Variants in MTUS2 observed in about 807,000 individuals in gnomAD.
The protein encoded by MTUS2 is microtubule associated scaffold protein 2, also known as microtubule-associated tumor suppressor candidate 2.
MTUS2 carries 40 observed loss-of-function variants against 114.1 expected under a neutral mutation model. The observed-to-expected ratio is 0.35, with a 90% CI of 0.27 to 0.46. The LOEUF (loss-of-function observed/expected upper bound fraction) is 0.46, where lower values mean the gene tolerates loss of function less well. Among genes scored for constraint, MTUS2 ranks in the 20% least tolerant of loss-of-function variants. The pLI is 1.00. For synonymous variants in MTUS2, 688 were observed against 672.0 expected (o/e 1.02, Z -0.37); for missense variants, 1,679 against 1,705.4 (o/e 0.98, Z 0.27).
intron 6 of MTUS2, among the ~76,000 whole-genome samples, chr13:29,293,116 A>G (rs984118703): frequency 6.6e-6 from 1 of 152,166 alleles, no homozygotes; most frequent in African/African-American, 2.4e-5. Context: ...ACAAAATTAC[A>G]TAAAATCACA....
In MTUS2 at chr13:29,264,126, G is replaced by A. The variant is rs576591826; in HGVS notation, c.2645-17578G>A. Among the ~76,000 whole-genome samples, 12 of 152,344 alleles carry A rather than the reference G, an allele frequency of 7.9e-5. No individual in the cohort carries two copies. In the South Asian group the frequency reaches 1.0e-3, roughly 13 times the overall value. On this transcript the variant is annotated intron_variant, in intron 5 of 15. Coordinates refer to ENST00000612955, the MANE Select transcript of MTUS2 (RefSeq NM_001033602.4). Reference sequence around the variant, plus strand: ...GTAAGCATTCCCATTCCAAAAGGGAGAAATTGGCCTAAAGAAAGGGGCAAT... The same window carrying A: ...GTAAGCATTCCCATTCCAAAAGGGAAAAATTGGCCTAAAGAAAGGGGCAAT...
At chr13:29,213,394 C>T (rs1171981393) in intron 5 of MTUS2, among the ~76,000 whole-genome samples, 1 of 152,180 alleles carries the variant, frequency 6.6e-6, no homozygotes, top group Non-Finnish European at 1.5e-5. Context: ...TATACCCTTA[C>T]TGATTTTCTC....
At chr13:29,167,263 T>A (rs1893355720) in intron 5 of MTUS2, among the ~76,000 whole-genome samples, 1 of 151,930 alleles carries the variant, frequency 6.6e-6, no homozygotes, top group Non-Finnish European at 1.5e-5. Flanking sequence ...TAGTCCCAGC[T>A]ACTTGGGAGG....
chr13:28,967,353 G>A (rs1436649914), intron 2 of MTUS2, among the ~76,000 whole-genome samples: 1 of 152,062 alleles, frequency 6.6e-6, no homozygotes, highest in East Asian at 1.9e-4. Context: ...TTTCCAGGAA[G>A]GTTAAAATTA....
At chr13:28,833,170 A>C (rs2137958047) in intron 1 of MTUS2, among the ~76,000 whole-genome samples, 1 of 152,274 alleles carries the variant, frequency 6.6e-6, no homozygotes. Flanking sequence ...AGTTTTGCAT[A>C]ATGTTTTTCA....
chr13:29,498,797 G>C (rs1882713027), intron 14 of MTUS2, among the ~76,000 whole-genome samples: 1 of 152,172 alleles, frequency 6.6e-6, no homozygotes, highest in South Asian at 2.1e-4. Flanking sequence ...TCCCACAGTT[G>C]TGCTGTCTTC....
At chr13:29,209,347 A>T (rs897220966) in intron 5 of MTUS2, among the ~76,000 whole-genome samples, 1 of 152,184 alleles carries the variant, frequency 6.6e-6, no homozygotes, top group Admixed American at 6.5e-5. Context: ...TGAAGAGAGC[A>T]GATACTCGGT....
At chr13:29,320,963 T>C (rs1392757624) in intron 6 of MTUS2, among the ~76,000 whole-genome samples, 1 of 152,096 alleles carries the variant, frequency 6.6e-6, no homozygotes, top group East Asian at 1.9e-4. Context: ...GGAGGACAAT[T>C]GACTAGGAGA....
chr13:28,947,474 G>A (rs1336498677), intron 2 of MTUS2, among the ~76,000 whole-genome samples: 1 of 152,110 alleles, frequency 6.6e-6, no homozygotes, highest in Non-Finnish European at 1.5e-5. Flanking sequence ...CAATATGTTT[G>A]CGAATGACAT....
At chr13:28,843,297 T>C (rs1875635347) in intron 2 of MTUS2, among the ~76,000 whole-genome samples, 1 of 152,132 alleles carries the variant, frequency 6.6e-6, no homozygotes, top group Non-Finnish European at 1.5e-5. Flanking sequence ...TTCAGAAGTA[T>C]CTATATCATT....
rs11274039 is a variant in MTUS2, at chr13:28,852,900, A to AATAC, written c.-243+13078_-243+13081dup. On this transcript the variant is annotated intron_variant, in intron 2 of 15. Transcript: ENST00000612955. Reference sequence around the variant, plus strand: ...GGTGACAGAGCGAGCCTCTGTCTTAAATACATACATACATACATACATACA... The same window carrying AATAC: ...GGTGACAGAGCGAGCCTCTGTCTTAAATACATACATACATACATACATACATACA... Among the ~76,000 whole-genome samples, 372 of 148,602 alleles carry AATAC rather than the reference A, an allele frequency of 2.5e-3. 3 individuals are homozygous for AATAC. Among genetic ancestry groups the AATAC allele is most frequent in the Middle Eastern group, 0.01 (3 of 292 alleles).
intron 14 of MTUS2, among the ~76,000 whole-genome samples, chr13:29,499,506 A>G (rs1882754664): frequency 6.6e-6 from 1 of 152,268 alleles, no homozygotes; most frequent in African/African-American, 2.4e-5. Flanking sequence ...TTATGAAATA[A>G]GATAAACAAA....
chr13:29,409,156 C>T (rs1414182774), intron 8 of MTUS2, among the ~76,000 whole-genome samples: 1 of 152,062 alleles, frequency 6.6e-6, no homozygotes, highest in Non-Finnish European at 1.5e-5. Flanking sequence ...CCTGTCTCTA[C>T]TAAAAATACA....
intron 2 of MTUS2, among the ~76,000 whole-genome samples, chr13:29,006,139 G>A (rs1429360361): frequency 6.6e-6 from 1 of 152,170 alleles, no homozygotes; most frequent in African/African-American, 2.4e-5. Flanking sequence ...GTAGGTGGAC[G>A]TGGAGCAGCT....
intron 4 of MTUS2, among the ~76,000 whole-genome samples, chr13:29,082,836 G>C (rs567221775): frequency 1.3e-5 from 2 of 152,216 alleles, no homozygotes; most frequent in African/African-American, 4.8e-5. Context: ...CAGAAGTCCA[G>C]GGGTAACTTA....
chr13:29,132,464 C>T (rs1891806600), intron 5 of MTUS2, among the ~76,000 whole-genome samples: 2 of 152,184 alleles, frequency 1.3e-5, no homozygotes, highest in Admixed American at 1.3e-4. Flanking sequence ...CACCACCACC[C>T]ATCCACAGAA....
intron 8 of MTUS2, among the ~76,000 whole-genome samples, chr13:29,426,906 GTA>G (rs1030717049): frequency 6.6e-6 from 1 of 152,158 alleles, no homozygotes; most frequent in African/African-American, 2.4e-5. Flanking sequence ...GAGCGTGGGG[GTA>G]TACTAAGCCA....
intron 8 of MTUS2, among the ~76,000 whole-genome samples, chr13:29,394,863 C>G (rs1280914027): frequency 6.6e-6 from 1 of 152,120 alleles, no homozygotes; most frequent in African/African-American, 2.4e-5. Context: ...TTGCGCCCTC[C>G]TTTATGGGAA....
chr13:29,324,533 A>G, intron 6 of MTUS2, 80 bp from the exon 7 acceptor site: 1 of 1,064,336 alleles, frequency 9.4e-7, no homozygotes, highest in South Asian at 1.4e-5. Context: ...TCTTGAAGCC[A>G]CCCTTTCCAC....
Sources: allele counts gnomAD v4.1 joint callset (sites outside exome capture counted in the v4.1 genomes callset), GRCh38; gene constraint gnomAD v4.1.1; transcripts MANE v1.5; gene names NCBI Gene and HGNC (gene_info 2026-07-23, HGNC 2026-07-21).